LEKR1: variants seen among roughly 807,000 people sequenced by gnomAD.
LEKR1 encodes leucine, glutamate and lysine rich 1.
Under a neutral mutation model 72.4 loss-of-function variants are expected in LEKR1, and 59 were observed. That is an observed-to-expected ratio of 0.82 (90% CI 0.66 to 1.01). The LOEUF is 1.01. Among genes scored for constraint, LEKR1 ranks in the 50% least tolerant of loss-of-function variants. LEKR1 has a pLI of 0.00. For synonymous variants in LEKR1, 257 were observed against 263.2 expected, an observed-to-expected ratio of 0.98 and a Z score of 0.23; for missense variants, 728 against 759.2, an observed-to-expected ratio of 0.96 and a Z score of 0.48.
chr3:156,827,559 A>C (rs772989477), intron 1 of LEKR1, among the ~76,000 whole-genome samples: 1 of 152,360 alleles, frequency 6.6e-6, no homozygotes, highest in South Asian at 2.1e-4. Flanking sequence ...CCTTGGCTGT[A>C]TAAAAGAGGG....
intron 3 of LEKR1, among the ~76,000 whole-genome samples, chr3:156,869,342 T>C (rs1287015464): frequency 6.6e-6 from 1 of 152,060 alleles, no homozygotes; most frequent in African/African-American, 2.4e-5. Context: ...CCCTTTTCTC[T>C]GCATCCTCAC....
chr3:156,908,567 GC>G (rs1232536601), intron 3 of LEKR1, among the ~76,000 whole-genome samples: 1 of 152,044 alleles, frequency 6.6e-6, no homozygotes, highest in Non-Finnish European at 1.5e-5. Context: ...GTCAACATGT[GC>G]CCTTTTAACC....
At chr3:156,853,112 TAATTA>T (rs1184560324) in intron 3 of LEKR1, 130 bp downstream of exon 3, 73 of 413,866 alleles carry the variant, frequency 1.8e-4, no homozygotes, top group African/African-American at 1.2e-3. Flanking sequence ...ATTTGTTTCT[TAATTA>T]TATTAATAAT....
chr3:156,997,661 G>A (rs4680326), intron 9 of LEKR1, among the ~76,000 whole-genome samples: 115,796 of 152,082 alleles, frequency 0.76, 44,291 homozygotes, highest in East Asian at 0.94. Flanking sequence ...ATACACACCA[G>A]CCTTCCTCCC....
chr3:156,955,183 T>A (rs1375421025), intron 6 of LEKR1, among the ~76,000 whole-genome samples: 2 of 151,614 alleles, frequency 1.3e-5, no homozygotes, highest in African/African-American at 4.8e-5. Flanking sequence ...TGTATAGGAA[T>A]GTTTTTGCAC....
chr3:156,985,140 A>G (rs759832517), intron 7 of LEKR1, among the ~76,000 whole-genome samples: 2 of 152,182 alleles, frequency 1.3e-5, no homozygotes, highest in African/African-American at 2.4e-5. Context: ...AGCCAGGACT[A>G]TTGTGTGCAG....
At chr3:156,973,968 G>A (rs192920809) in intron 6 of LEKR1, among the ~76,000 whole-genome samples, 6 of 152,182 alleles carry the variant, frequency 3.9e-5, no homozygotes, top group African/African-American at 1.4e-4. Flanking sequence ...GAACCATTTG[G>A]CAGTATTTAT....
chr3:156,837,251 C>T lies in LEKR1; in HGVS notation c.48+7874C>T, dbSNP rs116401602. On this transcript the variant is annotated intron_variant, in intron 2 of 12. Transcript: ENST00000356539. Reference sequence around the variant, plus strand: ...ACTCTCTGTAATGGGCTTAAGATAACAAAAGATGACAAGAGCCCTGTAGAA... The same window carrying T: ...ACTCTCTGTAATGGGCTTAAGATAATAAAAGATGACAAGAGCCCTGTAGAA... Among the ~76,000 whole-genome samples, 368 of 152,266 alleles carry T rather than the reference C, an allele frequency of 2.4e-3. 3 individuals are homozygous for T. Among genetic ancestry groups the T allele is most frequent in the African/African-American group, 8.5e-3 (354 of 41,546 alleles).
At chr3:156,886,925 T>A (rs1720158840) in intron 3 of LEKR1, among the ~76,000 whole-genome samples, 1 of 152,236 alleles carries the variant, frequency 6.6e-6, no homozygotes, top group Admixed American at 6.5e-5. Context: ...TGGTATGTTC[T>A]TGCAGTAGTT....
intron 12 of LEKR1, among the ~76,000 whole-genome samples, chr3:157,029,409 A>G (rs867724954): frequency 1.2e-4 from 19 of 152,228 alleles, no homozygotes; most frequent in African/African-American, 4.6e-4. Context: ...GAGACTGAAG[A>G]AGGTTGAATA....
At chr3:156,884,344 T>C (rs911703720) in intron 3 of LEKR1, among the ~76,000 whole-genome samples, 4 of 152,198 alleles carry the variant, frequency 2.6e-5, no homozygotes, top group Non-Finnish European at 5.9e-5. Context: ...TGTTTTTTTT[T>C]CCTTCTGTTG....
intron 12 of LEKR1, among the ~76,000 whole-genome samples, chr3:157,043,497 T>C (rs547794767): frequency 7.0e-4 from 106 of 152,096 alleles, no homozygotes; most frequent in Non-Finnish European, 1.0e-3. Context: ...GGTCCCTGCA[T>C]GTTTGACGTA....
At chr3:156,853,078 C>CA in intron 3 of LEKR1, 96 bp downstream of exon 3, 2 of 723,166 alleles carry the variant, frequency 2.8e-6, no homozygotes, top group Non-Finnish European at 4.5e-6. Context: ...TTCTCTACAT[C>CA]AGGTATAGTT....
intron 3 of LEKR1, among the ~76,000 whole-genome samples, chr3:156,882,393 A>G (rs1379127689): frequency 6.6e-5 from 10 of 152,184 alleles, no homozygotes; most frequent in South Asian, 2.1e-4. Context: ...CAAAAGACAC[A>G]TGAAAAAATG....
At chr3:156,959,076 G>A (rs1727895771) in intron 6 of LEKR1, among the ~76,000 whole-genome samples, 2 of 152,038 alleles carry the variant, frequency 1.3e-5, no homozygotes, top group African/African-American at 4.8e-5. Flanking sequence ...AGCTTTTCCA[G>A]CTTATTAAAG....
chr3:156,839,259 A>G (rs925614548), intron 2 of LEKR1, among the ~76,000 whole-genome samples: 2 of 152,192 alleles, frequency 1.3e-5, no homozygotes, highest in African/African-American at 4.8e-5. Flanking sequence ...CTTTTTCTAG[A>G]CTGAGTCCAT....
intron 3 of LEKR1, among the ~76,000 whole-genome samples, chr3:156,898,415 TGCATTTATTAAA>T (rs1275083869): frequency 1.3e-5 from 2 of 152,080 alleles, no homozygotes; most frequent in Non-Finnish European, 2.9e-5. Flanking sequence ...AGTCCTCAAA[TGCATTTATTAAA>T]GAATTCCCAG....
chr3:156,884,664 T>C (rs1719862336), intron 3 of LEKR1, among the ~76,000 whole-genome samples: 1 of 152,138 alleles, frequency 6.6e-6, no homozygotes, highest in African/African-American at 2.4e-5. Flanking sequence ...ATCTGATAGG[T>C]TTTTCTTTAT....
intron 12 of LEKR1, among the ~76,000 whole-genome samples, chr3:157,032,348 T>C (rs1734678596): frequency 1.3e-5 from 2 of 152,150 alleles, no homozygotes; most frequent in South Asian, 4.1e-4. Flanking sequence ...AGACCACACA[T>C]AAGGGAGCCA....
Sources: gnomAD v4.1 joint callset for allele counts (sites outside exome capture counted in the v4.1 genomes callset) on GRCh38, gnomAD v4.1.1 for gene constraint, MANE v1.5 for transcripts, NCBI Gene and HGNC (gene_info 2026-07-23, HGNC 2026-07-21) for gene names.